Variants in CCDC60 observed in about 807,000 individuals in gnomAD.
CCDC60 encodes coiled-coil domain containing 60, also known as coiled-coil domain-containing protein 60.
CCDC60 carries 54 observed loss-of-function variants against 63.5 expected under a neutral mutation model. That is an observed-to-expected ratio of 0.85 (90% CI 0.68 to 1.07). The LOEUF (loss-of-function observed/expected upper bound fraction) is 1.07, where lower values mean the gene tolerates loss of function less well. CCDC60 is among the 50% of genes least tolerant of loss of function. CCDC60 has a pLI of 0.00. For synonymous variants in CCDC60, 206 were observed against 238.8 expected (o/e 0.86, Z 1.27); for missense variants, 651 against 684.3 (o/e 0.95, Z 0.54).
chr12:119,434,317 ACTT>A (rs1190835767), intron 2 of CCDC60, among the ~76,000 whole-genome samples: 1 of 151,516 alleles, frequency 6.6e-6, no homozygotes, highest in Non-Finnish European at 1.5e-5. Flanking sequence ...TCTTCTTGGT[ACTT>A]CTTTAGCCCT....
At chr12:119,370,839 G>A (rs2136175461) in intron 1 of CCDC60, among the ~76,000 whole-genome samples, 1 of 152,188 alleles carries the variant, frequency 6.6e-6, no homozygotes, top group East Asian at 1.9e-4. Context: ...ACCAGCCTGG[G>A]CAACATAGTG....
At chr12:119,423,474 C>A (rs1956849377) in intron 1 of CCDC60, among the ~76,000 whole-genome samples, 1 of 152,194 alleles carries the variant, frequency 6.6e-6, no homozygotes, top group African/African-American at 2.4e-5. Flanking sequence ...CAGCTGGCTT[C>A]CAAGTAGGTT....
intron 13 of CCDC60, among the ~76,000 whole-genome samples, chr12:119,537,416 C>T (rs1381726725): frequency 6.6e-6 from 1 of 152,242 alleles, no homozygotes; most frequent in Non-Finnish European, 1.5e-5. Context: ...CTTCTGTCAG[C>T]TCGTCAAAGT....
intron 1 of CCDC60, among the ~76,000 whole-genome samples, chr12:119,345,503 AAAATAAATAAAT>A (rs71072508): frequency 6.6e-6 from 1 of 150,376 alleles, no homozygotes; most frequent in Non-Finnish European, 1.5e-5. Context: ...CTCCATCTCA[AAAATAAATAAAT>A]AAATAAATAA....
intron 1 of CCDC60, among the ~76,000 whole-genome samples, chr12:119,387,114 C>G (rs983639901): frequency 4.6e-5 from 7 of 150,772 alleles, no homozygotes; most frequent in Non-Finnish European, 8.8e-5. Context: ...ACTTTCCAAA[C>G]CCAGTCCTCA....
At chr12:119,433,042 T>C (rs181110245) in intron 2 of CCDC60, among the ~76,000 whole-genome samples, 2 of 152,322 alleles carry the variant, frequency 1.3e-5, no homozygotes, top group Non-Finnish European at 2.9e-5. Context: ...CTGTGTTCAC[T>C]GACGTCACCA....
chr12:119,538,204 T>C (rs1433153240), intron 13 of CCDC60, among the ~76,000 whole-genome samples: 1 of 152,242 alleles, frequency 6.6e-6, no homozygotes, highest in Non-Finnish European at 1.5e-5. Flanking sequence ...CAATGCTCCA[T>C]GGGCATGGGA....
In CCDC60 at chr12:119,456,728, C is replaced by A. The variant is rs146899529; in HGVS notation, c.171-15266C>A. 0.015 allele frequency among the ~76,000 whole-genome samples: 2,339 copies of A among 152,240 alleles called. 52 individuals are homozygous for A. Among genetic ancestry groups the A allele is most frequent in the African/African-American group, 0.05 (2,091 of 41,516 alleles). On this transcript the variant is annotated intron_variant, in intron 2 of 13. Coordinates refer to ENST00000327554, the MANE Select transcript of CCDC60 (RefSeq NM_178499.5). This position sits in a 1 kb window ranked among gnomAD's most constrained non-coding sequence, Gnocchi z 4.6. ...ATTATTGATGCCTCCCCTTTTTAGA[C>A]CATGTAGGGTAACTTCCTGACATTG...
rs57196100 is a variant in CCDC60, at chr12:119,434,278, C to CT, written c.170+5525dup. ...ATTTGGGGCAGAGAAAGAAGCTATT[C>CT]TTTTTTTTTGGCAGGGGGGTTAGGC... On this transcript the variant is annotated intron_variant, in intron 2 of 13. Transcript: ENST00000327554. Among the ~76,000 whole-genome samples the CT allele has an allele frequency of 8.1e-3, 1,224 of 150,792 alleles. 19 individuals are homozygous for CT. Among genetic ancestry groups the CT allele is most frequent in the African/African-American group, 0.022 (914 of 41,088 alleles).
At chr12:119,401,274 C>T (rs1956387167) in intron 1 of CCDC60, among the ~76,000 whole-genome samples, 1 of 152,190 alleles carries the variant, frequency 6.6e-6, no homozygotes, top group Admixed American at 6.5e-5. Flanking sequence ...TCTACTTTGG[C>T]ACAAGCATTT....
chr12:119,377,061 C>A (rs1011070386), intron 1 of CCDC60, among the ~76,000 whole-genome samples: 1 of 151,902 alleles, frequency 6.6e-6, no homozygotes, highest in South Asian at 2.1e-4. Context: ...TCGAGACCAG[C>A]CTGGCCAACA....
At chr12:119,396,083 G>A (rs559805300) in intron 1 of CCDC60, among the ~76,000 whole-genome samples, 90 of 151,988 alleles carry the variant, frequency 5.9e-4, no homozygotes, top group African/African-American at 2.0e-3. Flanking sequence ...GATTACAGGC[G>A]CCCACCACCT....
intron 13 of CCDC60, among the ~76,000 whole-genome samples, chr12:119,538,144 C>A (rs1403497325): frequency 1.3e-5 from 2 of 152,238 alleles, no homozygotes; most frequent in African/African-American, 2.4e-5. Flanking sequence ...CCTCCCCCTG[C>A]CAGGCTGCTG....
intron 1 of CCDC60, among the ~76,000 whole-genome samples, chr12:119,360,013 A>G (rs1293383292): frequency 6.6e-6 from 1 of 151,836 alleles, no homozygotes. Flanking sequence ...CAAAGCCGCC[A>G]TTGTCATCCT....
intron 2 of CCDC60, among the ~76,000 whole-genome samples, chr12:119,457,716 CG>C (rs144305914): frequency 2.0e-5 from 3 of 150,322 alleles, no homozygotes; most frequent in African/African-American, 7.5e-5. Context: ...TGGTGGTTGG[CG>C]GGGGGGAGAA....
chr12:119,492,198 T>C (rs1951605245), intron 5 of CCDC60, among the ~76,000 whole-genome samples: 1 of 152,192 alleles, frequency 6.6e-6, no homozygotes, highest in African/African-American at 2.4e-5. Flanking sequence ...GTGGGCATTT[T>C]AGTTTAGGGT....
intron 3 of CCDC60, among the ~76,000 whole-genome samples, chr12:119,478,405 G>T (rs1310656755): frequency 1.3e-5 from 2 of 151,814 alleles, no homozygotes; most frequent in Non-Finnish European, 2.9e-5. Flanking sequence ...GAAATGATTT[G>T]CTCTGCTGTA....
chr12:119,406,739 T>C (rs986306604), intron 1 of CCDC60, among the ~76,000 whole-genome samples: 1 of 151,476 alleles, frequency 6.6e-6, no homozygotes, highest in African/African-American at 2.4e-5. Context: ...TTTTACTTCA[T>C]GAATATAAGC....
intron 1 of CCDC60, among the ~76,000 whole-genome samples, chr12:119,427,266 T>C (rs1234137061): frequency 6.6e-6 from 1 of 152,244 alleles, no homozygotes; most frequent in Non-Finnish European, 1.5e-5. Context: ...ATCTTTGATA[T>C]GTGTATATCC....
Sources: allele counts gnomAD v4.1 joint callset (sites outside exome capture counted in the v4.1 genomes callset), GRCh38; gene constraint gnomAD v4.1.1; non-coding constraint Gnocchi (gnomAD v3.1); transcripts MANE v1.5; gene names NCBI Gene and HGNC (gene_info 2026-07-23, HGNC 2026-07-21).